VRK2: variants seen among roughly 807,000 people sequenced by gnomAD.
VRK2 encodes serine/threonine-protein kinase VRK2.
VRK2 carries 60 observed loss-of-function variants against 57.6 expected under a neutral mutation model. The observed-to-expected ratio is 1.04, with a 90% CI of 0.85 to 1.29. VRK2 has a LOEUF of 1.29. VRK2 is among the 50% of genes most tolerant of loss of function. The pLI is 0.00. For missense variants in VRK2, 705 were observed against 588.1 expected (o/e 1.20, Z -2.06); for synonymous variants, 231 against 199.2 (o/e 1.16, Z -1.35).
intron 2 of VRK2, among the ~76,000 whole-genome samples, chr2:58,057,615 A>C (rs1017179551): frequency 6.6e-6 from 1 of 152,170 alleles, no homozygotes; most frequent in Non-Finnish European, 1.5e-5. Flanking sequence ...GGATTGACTT[A>C]TGTATGTATG....
chr2:58,127,901 G>C (rs1188392321), intron 8 of VRK2, among the ~76,000 whole-genome samples: 2 of 152,118 alleles, frequency 1.3e-5, no homozygotes, highest in Non-Finnish European at 2.9e-5. Context: ...TTAATACTTA[G>C]ACTTTTCTTT....
intron 1 of VRK2, among the ~76,000 whole-genome samples, chr2:57,952,853 G>C (rs564176613): frequency 6.6e-6 from 1 of 151,960 alleles, no homozygotes; most frequent in Non-Finnish European, 1.5e-5. Flanking sequence ...GAAACCTAAA[G>C]TCTGCCATGG....
At chr2:57,955,906 G>A (rs1400367465) in intron 1 of VRK2, among the ~76,000 whole-genome samples, 1 of 152,176 alleles carries the variant, frequency 6.6e-6, no homozygotes, top group African/African-American at 2.4e-5. Context: ...TCACCATTGG[G>A]AAGATTGCAT....
At chr2:58,096,064 C>T (rs1394004338) in intron 7 of VRK2, among the ~76,000 whole-genome samples, 1 of 151,882 alleles carries the variant, frequency 6.6e-6, no homozygotes, top group East Asian at 1.9e-4. Context: ...TCATATTTGT[C>T]TCAAATATTT....
chr2:57,997,254 CTAGATA>C (rs915094235), intron 1 of VRK2, among the ~76,000 whole-genome samples: 4 of 151,914 alleles, frequency 2.6e-5, no homozygotes, highest in Non-Finnish European at 4.4e-5. Context: ...ATAACTAGAT[CTAGATA>C]TAATTAGCCA....
At chr2:58,096,923 A>G (rs1193360995) in intron 7 of VRK2, among the ~76,000 whole-genome samples, 1 of 151,928 alleles carries the variant, frequency 6.6e-6, no homozygotes, top group East Asian at 1.9e-4. Context: ...TTCTTTCACC[A>G]AAAAAGTAGT....
At position 58,014,693 on chromosome 2, in the gene VRK2, G is replaced by A. The variant is rs563434929; in HGVS notation, c.-438-10972G>A. 1.1e-4 allele frequency among the ~76,000 whole-genome samples: 17 copies of A among 152,240 alleles called. No individual in the cohort carries two copies. The East Asian group carries it at 2.3e-3, about 21-fold the overall frequency. ...GTCCTGGGAATTCAAAGATGAATAC[G>A]GCATGATTCTCGCCTTTGAAAAATT... is the stretch of plus-strand genomic sequence containing the variant. On this transcript the variant is annotated intron_variant, in intron 1 of 15. Transcript: ENST00000417641.
chr2:57,968,915 C>A (rs1026495484), intron 1 of VRK2, among the ~76,000 whole-genome samples: 1 of 152,182 alleles, frequency 6.6e-6, no homozygotes, highest in African/African-American at 2.4e-5. Context: ...TGAAGACAAG[C>A]CACAATATTT....
At chr2:58,036,543 T>C (rs1031609645) in intron 3 of VRK2, among the ~76,000 whole-genome samples, 1 of 152,074 alleles carries the variant, frequency 6.6e-6, no homozygotes, top group Non-Finnish European at 1.5e-5. Context: ...TAACCCAATG[T>C]AATCAGTATC....
chr2:58,159,785 T>C lies in VRK2; in HGVS notation c.*92T>C. 1.2e-6 allele frequency: 2 copies of C among 1,613,120 alleles called. No individual in the cohort carries two copies. Among genetic ancestry groups the C allele is most frequent in the South Asian group, 2.2e-5 (2 of 91,002 alleles). ...TTATTTCAGTGTTTCCTTCCAGACA[T>C]TTTTAAGGTAATTGGCTTTAAAAAG... On this transcript the variant is annotated 3_prime_UTR_variant, in exon 13 of 13. Coordinates refer to ENST00000340157, the MANE Select transcript of VRK2 (RefSeq NM_006296.7).
At chr2:58,094,500 C>T (rs1002886855) in intron 7 of VRK2, among the ~76,000 whole-genome samples, 30 of 152,234 alleles carry the variant, frequency 2.0e-4, no homozygotes, top group African/African-American at 6.5e-4. Flanking sequence ...GTGATTTTTG[C>T]ACATTGATTT....
intron 1 of VRK2, among the ~76,000 whole-genome samples, chr2:57,993,249 T>C (rs1237437943): frequency 6.6e-6 from 1 of 152,194 alleles, no homozygotes; most frequent in Admixed American, 6.5e-5. Flanking sequence ...TAAGACAGGT[T>C]CCAGTACTGT....
At chr2:58,089,577 T>G (rs1162772762) in intron 6 of VRK2, 54 bp from the exon 7 acceptor site, 68 of 1,109,168 alleles carry the variant, frequency 6.1e-5, no homozygotes, top group Non-Finnish European at 8.5e-5. Context: ...ATGTTGAAAT[T>G]GATCATGAGT....
intron 1 of VRK2, among the ~76,000 whole-genome samples, chr2:57,992,238 T>C (rs1339256925): frequency 6.6e-6 from 1 of 152,184 alleles, no homozygotes; most frequent in African/African-American, 2.4e-5. Context: ...CAGAAGCTAA[T>C]GGATTCAGTG....
At chr2:57,910,773 A>C (rs1669963150) in intron 1 of VRK2, among the ~76,000 whole-genome samples, 1 of 152,198 alleles carries the variant, frequency 6.6e-6, no homozygotes, top group Admixed American at 6.5e-5. Context: ...TAAGTTCCAA[A>C]GCCAATACTA....
chr2:58,012,170 G>A (rs1456901596), intron 1 of VRK2, among the ~76,000 whole-genome samples: 5 of 152,148 alleles, frequency 3.3e-5, no homozygotes, highest in Non-Finnish European at 7.4e-5. Context: ...AAAAAGGGGA[G>A]GCATGAATAA....
intron 12 of VRK2, among the ~76,000 whole-genome samples, chr2:58,157,016 C>CTA (rs1683987463): frequency 6.6e-6 from 1 of 152,192 alleles, no homozygotes; most frequent in Non-Finnish European, 1.5e-5. Flanking sequence ...TTACTGGTGA[C>CTA]TAAACCTGAT....
At position 58,027,653 on chromosome 2, in the gene VRK2, T is replaced by C. The variant is rs1185909553; in HGVS notation, c.-333+1883T>C. ...ATAAATTAAAATTACTTTTTTGTAC[T>C]TCTGAGTCAACGTATGTAACTATTG... is the stretch of plus-strand genomic sequence containing the variant. On this transcript the variant is annotated intron_variant, in intron 2 of 15. Transcript: ENST00000417641. Among the ~76,000 whole-genome samples the C allele has an allele frequency of 2.6e-5, 4 of 152,172 alleles. No individual in the cohort carries two copies. In the East Asian group the frequency reaches 7.7e-4, roughly 29 times the overall value.
chr2:57,993,585 T>A (rs1672837215), intron 1 of VRK2, among the ~76,000 whole-genome samples: 1 of 152,200 alleles, frequency 6.6e-6, no homozygotes, highest in Non-Finnish European at 1.5e-5. Flanking sequence ...TGAACTAGAT[T>A]CATTCAAAGA....
Sources: allele counts gnomAD v4.1 joint callset (sites outside exome capture counted in the v4.1 genomes callset), GRCh38; gene constraint gnomAD v4.1.1; transcripts MANE v1.5; gene names NCBI Gene and HGNC (gene_info 2026-07-23, HGNC 2026-07-21).